Variants in TAFA2 observed in about 807,000 individuals in gnomAD.
TAFA2 encodes the protein chemokine-like protein TAFA-2.
Under a neutral mutation model 18.8 loss-of-function variants are expected in TAFA2, and 7 were observed. The observed-to-expected ratio is 0.37, with a 90% CI of 0.21 to 0.70. The LOEUF (loss-of-function observed/expected upper bound fraction) is 0.70, where lower values mean the gene tolerates loss of function less well. Ranked by LOEUF, TAFA2 falls within the 30% of genes least tolerant of loss-of-function variation. TAFA2 has a pLI of 0.53. For synonymous variants in TAFA2, 60 were observed against 54.2 expected (o/e 1.11, Z -0.47); for missense variants, 122 against 158.1 (o/e 0.77, Z 1.23).
Position 61,963,551 on chromosome 12 carries a change from T to G in TAFA2, c.-1-96125A>C, listed in dbSNP as rs369104799. ...CACTTTTTGATGGGGTTGTTTAGGG[T>G]TTTTTTGTAAATTTGTTTAAGTTCT... On this transcript the variant is annotated intron_variant, in intron 1 of 4. Coordinates refer to ENST00000416284, the MANE Select transcript of TAFA2 (RefSeq NM_178539.5). Among the ~76,000 whole-genome samples the G allele has an allele frequency of 2.9e-3, 443 of 152,006 alleles. 4 individuals carry two copies. The highest frequency in any genetic ancestry group is 9.8e-3 in the African/African-American group (407 of 41,498).
At chr12:61,882,195 G>C (rs1875176101) in intron 1 of TAFA2, among the ~76,000 whole-genome samples, 1 of 152,092 alleles carries the variant, frequency 6.6e-6, no homozygotes, top group South Asian at 2.1e-4. Context: ...GAAAGGACAG[G>C]ATCTGATGTT....
intron 1 of TAFA2, among the ~76,000 whole-genome samples, chr12:62,055,425 T>A (rs1253736313): frequency 6.6e-6 from 1 of 152,184 alleles, no homozygotes; most frequent in African/African-American, 2.4e-5. Flanking sequence ...ATTACAATGA[T>A]AAGTATAAAT....
intron 4 of TAFA2, among the ~76,000 whole-genome samples, chr12:61,727,645 T>C (rs1235756938): frequency 1.3e-5 from 2 of 152,032 alleles, no homozygotes; most frequent in African/African-American, 2.4e-5. Flanking sequence ...GTGTATCAAT[T>C]TTGTTTATCT....
At chr12:61,882,042 T>C (rs1186396327) in intron 1 of TAFA2, among the ~76,000 whole-genome samples, 4 of 152,170 alleles carry the variant, frequency 2.6e-5, no homozygotes, top group Non-Finnish European at 5.9e-5. Context: ...ATGAGTGCCA[T>C]TATATGAAAT....
At chr12:61,963,963 A>G (rs1232691113) in intron 1 of TAFA2, among the ~76,000 whole-genome samples, 6 of 152,214 alleles carry the variant, frequency 3.9e-5, no homozygotes, top group South Asian at 4.1e-4. Flanking sequence ...AACCTGGCAA[A>G]AAACAAGCAA....
intron 4 of TAFA2, among the ~76,000 whole-genome samples, chr12:61,745,558 C>A: frequency 6.6e-6 from 1 of 152,090 alleles, no homozygotes; most frequent in Non-Finnish European, 1.5e-5. Flanking sequence ...CCCTTCCCTG[C>A]TTAATTTTCT....
At position 62,255,769 on chromosome 12, in the gene TAFA2, T is replaced by A. The variant is rs144202046; in HGVS notation, c.-130+2994A>T. ...CTCAGGAGGCTGAGGCACGAGAATCTCTTGAACTTGAGAGGCGAAGGTTGC... is the reference window on the plus strand; with the variant it reads ...CTCAGGAGGCTGAGGCACGAGAATCACTTGAACTTGAGAGGCGAAGGTTGC... On this transcript the variant is annotated intron_variant, in intron 1 of 5. Transcript: ENST00000551619. 1.4e-3 allele frequency among the ~76,000 whole-genome samples: 209 copies of A among 151,838 alleles called. 2 individuals carry two copies. The highest frequency in any genetic ancestry group is 4.6e-3 in the African/African-American group (190 of 41,404).
intron 1 of TAFA2, among the ~76,000 whole-genome samples, chr12:61,982,876 C>CAAAAAAAAAAAAAAAA (rs3031097): frequency 1.2e-4 from 12 of 101,602 alleles, no homozygotes; most frequent in Non-Finnish European, 1.6e-4. Context: ...AAGTGGAAGG[C>CAAAAAAAAAAAAAAAA]AAAAAAAAAA....
chr12:62,238,829 G>A (rs1192967135), intron 1 of TAFA2, among the ~76,000 whole-genome samples: 1 of 152,130 alleles, frequency 6.6e-6, no homozygotes, highest in African/African-American at 2.4e-5. Flanking sequence ...ATATGGATAC[G>A]TAGGTATGTT....
In TAFA2 at chr12:61,708,644, T is replaced by A. The variant is rs781757251; in HGVS notation, c.*1762A>T. The A allele has an allele frequency of 5.2e-4, 79 of 152,142 alleles. No individual in the cohort carries two copies. Among genetic ancestry groups the A allele is most frequent in the Admixed American group, 2.6e-3 (39 of 15,242 alleles). The allele number at this position is 152,142 out of a possible 1,614,324, so 9.4% of individuals were successfully genotyped here. On this transcript the variant is annotated 3_prime_UTR_variant, in exon 5 of 5. Coordinates refer to ENST00000416284, the MANE Select transcript of TAFA2 (RefSeq NM_178539.5). ...GAAAATCCACTCAAAGCCATCTAAT[T>A]CATTTTATGCATGATTAAAATGGAG...
At chr12:62,023,159 G>A (rs959776008) in intron 1 of TAFA2, among the ~76,000 whole-genome samples, 1 of 152,014 alleles carries the variant, frequency 6.6e-6, no homozygotes, top group Non-Finnish European at 1.5e-5. Flanking sequence ...TTGGTATTTC[G>A]GCCTGTTTTC....
chr12:61,846,150 A>G (rs533900237), intron 2 of TAFA2, among the ~76,000 whole-genome samples: 7 of 152,346 alleles, frequency 4.6e-5, no homozygotes, highest in African/African-American at 1.7e-4. Flanking sequence ...TTGAAAAAAT[A>G]GGGATTCTAG....
chr12:61,891,115 C>A (rs1168295183), intron 1 of TAFA2, among the ~76,000 whole-genome samples: 1 of 151,970 alleles, frequency 6.6e-6, no homozygotes, highest in Non-Finnish European at 1.5e-5. Flanking sequence ...AATTTATGTT[C>A]CAGAAGGGAG....
chr12:62,115,979 A>G (rs1372411568), intron 1 of TAFA2, among the ~76,000 whole-genome samples: 2 of 152,220 alleles, frequency 1.3e-5, no homozygotes, highest in Non-Finnish European at 2.9e-5. Flanking sequence ...AGAAAGTCAT[A>G]TGGAGAGAAA....
chr12:62,101,799 G>T (rs1869218965), intron 1 of TAFA2, among the ~76,000 whole-genome samples: 1 of 152,160 alleles, frequency 6.6e-6, no homozygotes, highest in South Asian at 2.1e-4. Flanking sequence ...ATATTGAAAT[G>T]AAAGTGTAGC....
Position 61,786,575 on chromosome 12 carries a change from T to C in TAFA2, c.107-31551A>G, listed in dbSNP as rs565251483. On this transcript the variant is annotated intron_variant, in intron 2 of 4. Coordinates refer to ENST00000416284, the MANE Select transcript of TAFA2 (RefSeq NM_178539.5). ...TCAGTTATTGTGCCCATATCCCATG[T>C]ATTTAAAAGGTGCTAGGAAAGATAA... Among the ~76,000 whole-genome samples, 45 of 151,682 alleles carry C rather than the reference T, an allele frequency of 3.0e-4. No homozygotes were observed. In the South Asian group the frequency reaches 9.3e-3, roughly 31 times the overall value.
chr12:61,850,011 T>C (rs1873575259), intron 2 of TAFA2, among the ~76,000 whole-genome samples: 1 of 152,138 alleles, frequency 6.6e-6, no homozygotes, highest in Non-Finnish European at 1.5e-5. Context: ...TTACAAGAAC[T>C]GACTAACTCT....
chr12:61,827,046 C>A (rs1169509213), intron 2 of TAFA2: 1 of 152,048 alleles, frequency 6.6e-6, no homozygotes, highest in Non-Finnish European at 1.5e-5. Flanking sequence ...TTACAATACA[C>A]CAAGCCCATT....
At chr12:62,166,744 A>C (rs2062443088) in intron 1 of TAFA2, among the ~76,000 whole-genome samples, 1 of 152,180 alleles carries the variant, frequency 6.6e-6, no homozygotes, top group African/African-American at 2.4e-5. Context: ...AGTTCCACAT[A>C]GTTAGAAGTT....
Sources: allele counts gnomAD v4.1 joint callset (sites outside exome capture counted in the v4.1 genomes callset), GRCh38; gene constraint gnomAD v4.1.1; transcripts MANE v1.5; gene names NCBI Gene and HGNC (gene_info 2026-07-23, HGNC 2026-07-21).